CTNND2: variants seen among roughly 807,000 people sequenced by gnomAD.
The protein encoded by CTNND2 is catenin delta-2.
Under a neutral mutation model 144.4 loss-of-function variants are expected in CTNND2, and 22 were observed. The ratio of observed to expected loss-of-function variants is 0.15; its 90% CI spans 0.11 to 0.22. The LOEUF (loss-of-function observed/expected upper bound fraction) is 0.22. CTNND2 is among the 10% of genes least tolerant of loss of function. The probability of loss-of-function intolerance (pLI) is 1.00; values close to 1 mark genes in which losing one functional copy is unlikely to be tolerated. For missense variants in CTNND2, 1,353 were observed against 1,618.8 expected, an observed-to-expected ratio of 0.84 and a Z score of 2.82; for synonymous variants, 751 against 695.6, an observed-to-expected ratio of 1.08 and a Z score of -1.25.
chr5:11,667,746 CT>C (rs1471896707), intron 2 of CTNND2, among the ~76,000 whole-genome samples: 1 of 152,162 alleles, frequency 6.6e-6, no homozygotes, highest in African/African-American at 2.4e-5. Context: ...GTTTATTTTG[CT>C]GTGTGGAGGC....
At chr5:11,886,286 G>C (rs1736525382) in intron 1 of CTNND2, among the ~76,000 whole-genome samples, 1 of 151,942 alleles carries the variant, frequency 6.6e-6, no homozygotes, top group African/African-American at 2.4e-5. Flanking sequence ...AAGATAAAAA[G>C]AGAGAAGAAC....
At chr5:11,301,300 AGCCACCGCGCCCG>A (rs1224453937) in intron 9 of CTNND2, among the ~76,000 whole-genome samples, 1 of 152,014 alleles carries the variant, frequency 6.6e-6, no homozygotes, top group African/African-American at 2.4e-5. Context: ...TACAGTCATG[AGCCACCGCGCCCG>A]GCCCCCATCT....
At chr5:11,692,542 G>T (rs550838798) in intron 2 of CTNND2, among the ~76,000 whole-genome samples, 10 of 152,352 alleles carry the variant, frequency 6.6e-5, no homozygotes, top group African/African-American at 2.2e-4. Context: ...TCAAGAGGCA[G>T]CTGGGTGTGT....
At chr5:11,741,779 ATATAT>A (rs900070222) in intron 1 of CTNND2, among the ~76,000 whole-genome samples, 6 of 148,194 alleles carry the variant, frequency 4.0e-5, no homozygotes, top group Non-Finnish European at 5.9e-5. Context: ...ATATATATTC[ATATAT>A]TATAGTATAC....
intron 2 of CTNND2, among the ~76,000 whole-genome samples, chr5:11,615,773 T>C (rs1487202795): frequency 1.3e-5 from 2 of 152,232 alleles, no homozygotes; most frequent in African/African-American, 4.8e-5. Context: ...GATAAGACCA[T>C]AGGCATTTAT....
At chr5:11,176,241 T>C (rs1760466731) in intron 11 of CTNND2, among the ~76,000 whole-genome samples, 2 of 152,180 alleles carry the variant, frequency 1.3e-5, no homozygotes, top group African/African-American at 4.8e-5. Flanking sequence ...ATTTAATTCA[T>C]TTGTTTTCTA....
intron 2 of CTNND2, among the ~76,000 whole-genome samples, chr5:11,711,618 A>G (rs1786039697): frequency 6.6e-6 from 1 of 152,246 alleles, no homozygotes; most frequent in Non-Finnish European, 1.5e-5. Context: ...AAATTCTTAC[A>G]ATTCTGCGAG....
At chr5:11,763,209 A>G (rs1255862552) in intron 1 of CTNND2, among the ~76,000 whole-genome samples, 1 of 152,136 alleles carries the variant, frequency 6.6e-6, no homozygotes, top group Non-Finnish European at 1.5e-5. Context: ...ATTCCTGTAT[A>G]CTTTGCAGAA....
intron 12 of CTNND2, among the ~76,000 whole-genome samples, chr5:11,130,790 AT>A (rs1208570543): frequency 1.3e-5 from 2 of 152,142 alleles, no homozygotes; most frequent in Non-Finnish European, 2.9e-5. Context: ...CATATGGTCC[AT>A]CCCCCGGGTC....
chr5:11,030,576 A>G (rs1743336147), intron 16 of CTNND2, among the ~76,000 whole-genome samples: 1 of 151,662 alleles, frequency 6.6e-6, no homozygotes, highest in Non-Finnish European at 1.5e-5. Context: ...TCAGCTCTAA[A>G]TTTTTTGGTT....
At chr5:11,711,646 C>T (rs1371272010) in intron 2 of CTNND2, among the ~76,000 whole-genome samples, 3 of 152,148 alleles carry the variant, frequency 2.0e-5, no homozygotes, top group Non-Finnish European at 4.4e-5. Flanking sequence ...CTATTATTAA[C>T]TTTAACAGAT....
chr5:11,708,226 T>C (rs988610200), intron 2 of CTNND2, among the ~76,000 whole-genome samples: 2 of 150,782 alleles, frequency 1.3e-5, no homozygotes, highest in East Asian at 3.9e-4. Flanking sequence ...AGATGATTTT[T>C]TAAACTTAAA....
At chr5:11,430,664 T>C (rs1288534832) in intron 3 of CTNND2, among the ~76,000 whole-genome samples, 1 of 152,210 alleles carries the variant, frequency 6.6e-6, no homozygotes, top group Non-Finnish European at 1.5e-5. Context: ...TTGGTCATCA[T>C]CTACTGTTTA....
chr5:11,010,696 ATTAC>A (rs886837596), intron 18 of CTNND2, among the ~76,000 whole-genome samples: 2 of 152,168 alleles, frequency 1.3e-5, no homozygotes, highest in Admixed American at 6.5e-5. Context: ...CCCATCTATA[ATTAC>A]TTATTGATTT....
At chr5:11,726,119 G>A (rs1156545337) in intron 2 of CTNND2, among the ~76,000 whole-genome samples, 1 of 151,952 alleles carries the variant, frequency 6.6e-6, no homozygotes, top group Admixed American at 6.6e-5. Flanking sequence ...TTTGCTCCAG[G>A]CAGTGTCTGT....
chr5:11,079,371 T>TTGTCTGTCTGTAGGGTCA (rs756463378), intron 16 of CTNND2, among the ~76,000 whole-genome samples: 3 of 151,864 alleles, frequency 2.0e-5, no homozygotes, highest in African/African-American at 4.8e-5. Context: ...CATGCTGTCA[T>TTGTCTGTCTGTAGGGTCA]TGGACTAGTG....
chr5:11,650,226 ACT>A (rs1368016730), intron 2 of CTNND2, among the ~76,000 whole-genome samples: 2 of 151,534 alleles, frequency 1.3e-5, no homozygotes, highest in Non-Finnish European at 2.9e-5. Context: ...CTCCTCCTTC[ACT>A]CTCTCTTCCT....
chr5:11,444,636 A>AG (rs1406342142), intron 3 of CTNND2, among the ~76,000 whole-genome samples: 1 of 152,174 alleles, frequency 6.6e-6, no homozygotes, highest in Non-Finnish European at 1.5e-5. Context: ...CAGGAGGCAG[A>AG]GGTTGCAGTG....
chr5:11,277,576 G>A (rs1445141661), intron 9 of CTNND2, among the ~76,000 whole-genome samples: 1 of 150,966 alleles, frequency 6.6e-6, no homozygotes, highest in Non-Finnish European at 1.5e-5. Flanking sequence ...CTCTTACCCA[G>A]GCTGGAGTGC....
Sources: allele counts gnomAD v4.1 joint callset (sites outside exome capture counted in the v4.1 genomes callset), GRCh38; gene constraint gnomAD v4.1.1; transcripts MANE v1.5; gene names NCBI Gene and HGNC (gene_info 2026-07-23, HGNC 2026-07-21).